The following ASXL3 variants were observed in gnomAD, a reference collection of about 807,000 sequenced individuals.
ASXL3 encodes ASXL transcriptional regulator 3, also known as putative Polycomb group protein ASXL3.
Under a neutral mutation model 170.6 loss-of-function variants are expected in ASXL3, and 34 were observed. That is an observed-to-expected ratio of 0.20 (90% CI 0.15 to 0.27). The LOEUF (loss-of-function observed/expected upper bound fraction) is 0.27, where lower values mean the gene tolerates loss of function less well. Among genes scored for constraint, ASXL3 ranks in the 10% least tolerant of loss-of-function variants. The pLI, the probability that ASXL3 is intolerant of heterozygous loss-of-function variation, is 1.00. For missense variants in ASXL3, 2,592 were observed against 2,695.3 expected (o/e 0.96, Z 0.85); for synonymous variants, 1,002 against 989.1 (o/e 1.01, Z -0.24).
At chr18:33,696,700 C>T (rs767604559) in intron 8 of ASXL3, among the ~76,000 whole-genome samples, 3 of 151,730 alleles carry the variant, frequency 2.0e-5, no homozygotes, top group Non-Finnish European at 4.4e-5. Flanking sequence ...CTTGCTTTCT[C>T]GGAGTGTTCA....
In ASXL3 at chr18:33,643,761, GA is replaced by G. The variant is rs1420393369; in HGVS notation, c.138-1130del. 2.6e-5 allele frequency among the ~76,000 whole-genome samples: 4 copies of G among 151,796 alleles called. No individual in the cohort carries two copies. The East Asian group carries it at 7.8e-4, about 29-fold the overall frequency. On this transcript the variant is annotated intron_variant, in intron 2 of 11. Coordinates refer to ENST00000269197, the MANE Select transcript of ASXL3 (RefSeq NM_030632.3). ...GGAGCAAAATTATGTCTTTATCCTT[GA>G]AATTTGAAGTTAGAATTCTGAACTT...
rs1396778879 is a variant in ASXL3 at position 33,743,532 on chromosome 18, C to T, written c.3684C>T (p.Pro1228=). ...CCTCTTCTGAAAATAGCAGTGTGCC[C>T]ATGCTTTTTAATAAAAATTCTGTCC... The part of the protein sequence containing the change: ...SSTSSENSSV[P]MLFNKNSVPV... Residue 1228 remains proline (P), a synonymous_variant, in exon 12 of 12, where the codon CCC becomes CCT. Transcript: ENST00000269197. 1 of 1,613,160 alleles carries T rather than the reference C, an allele frequency of 6.2e-7. No homozygotes were observed.
At chr18:33,633,334 A>T (rs1236441759) in intron 2 of ASXL3, among the ~76,000 whole-genome samples, 1 of 152,198 alleles carries the variant, frequency 6.6e-6, no homozygotes, top group Non-Finnish European at 1.5e-5. Flanking sequence ...AATGCAAACT[A>T]AGTGTTCTGT....
At chr18:33,703,280 T>C (rs770498898) in intron 8 of ASXL3, among the ~76,000 whole-genome samples, 2 of 152,176 alleles carry the variant, frequency 1.3e-5, no homozygotes, top group African/African-American at 2.4e-5. Context: ...TCTGTTCTTA[T>C]GGTCTTCCTC....
At chr18:33,628,540 T>C (rs1325628249) in intron 2 of ASXL3, among the ~76,000 whole-genome samples, 1 of 152,108 alleles carries the variant, frequency 6.6e-6, no homozygotes, top group Non-Finnish European at 1.5e-5. Flanking sequence ...GGATTTTCTA[T>C]CTTTGTTCTG....
intron 8 of ASXL3, among the ~76,000 whole-genome samples, chr18:33,707,062 G>A (rs1568339614): frequency 6.6e-6 from 1 of 151,240 alleles, no homozygotes; most frequent in African/African-American, 2.4e-5. Context: ...GACCTTATAT[G>A]TGAGCATCTA....
chr18:33,640,735 G>T (rs2065833759), intron 2 of ASXL3, among the ~76,000 whole-genome samples: 1 of 151,912 alleles, frequency 6.6e-6, no homozygotes, highest in Non-Finnish European at 1.5e-5. Context: ...TGAGATGCTT[G>T]AAAGAAGCAT....
At chr18:33,615,317 T>C (rs1027983488) in intron 2 of ASXL3, among the ~76,000 whole-genome samples, 2 of 152,168 alleles carry the variant, frequency 1.3e-5, no homozygotes, top group African/African-American at 4.8e-5. Context: ...TTCTAACTTT[T>C]CTTCTGCGGC....
chr18:33,641,538 A>G (rs186455169), intron 2 of ASXL3, among the ~76,000 whole-genome samples: 12 of 152,224 alleles, frequency 7.9e-5, no homozygotes, highest in Admixed American at 2.6e-4. Context: ...TATTTATTAT[A>G]TAGAAATACA....
At chr18:33,713,818 C>A (rs574002057) in intron 8 of ASXL3, among the ~76,000 whole-genome samples, 2 of 152,100 alleles carry the variant, frequency 1.3e-5, no homozygotes, top group Admixed American at 1.3e-4. Flanking sequence ...CATAATTTTC[C>A]GTGAACAACC....
At chr18:33,664,469 C>A (rs1326405496) in intron 5 of ASXL3, among the ~76,000 whole-genome samples, 1 of 152,136 alleles carries the variant, frequency 6.6e-6, no homozygotes, top group African/African-American at 2.4e-5. Flanking sequence ...TGATAACACA[C>A]ACTCAAATAT....
chr18:33,689,175 G>T (rs2066647323), intron 8 of ASXL3, among the ~76,000 whole-genome samples: 1 of 152,058 alleles, frequency 6.6e-6, no homozygotes, highest in Admixed American at 6.6e-5. Context: ...TATATTTTTA[G>T]TAGAGATGGG....
chr18:33,608,093 C>T (rs1420644160), intron 2 of ASXL3, among the ~76,000 whole-genome samples: 1 of 151,936 alleles, frequency 6.6e-6, no homozygotes, highest in African/African-American at 2.4e-5. Context: ...AAAATCTAGT[C>T]CTCTTATATT....
At chr18:33,655,372 G>A (rs2066066913) in intron 4 of ASXL3, among the ~76,000 whole-genome samples, 1 of 151,910 alleles carries the variant, frequency 6.6e-6, no homozygotes, top group African/African-American at 2.4e-5. Flanking sequence ...TGTTCTAAAC[G>A]TTATAAAGAG....
chr18:33,720,241 T>G (rs1263575405), intron 8 of ASXL3, among the ~76,000 whole-genome samples: 1 of 152,100 alleles, frequency 6.6e-6, no homozygotes, highest in Admixed American at 6.6e-5. Context: ...GCTGTCTATC[T>G]GTTTCACAGT....
chr18:33,692,694 C>A (rs2066705236), intron 8 of ASXL3, among the ~76,000 whole-genome samples: 1 of 152,116 alleles, frequency 6.6e-6, no homozygotes, highest in Non-Finnish European at 1.5e-5. Context: ...GTTTCTCCTC[C>A]TCATTTTGCC....
intron 2 of ASXL3, among the ~76,000 whole-genome samples, chr18:33,638,543 G>T (rs559733665): frequency 6.6e-6 from 1 of 152,138 alleles, no homozygotes; most frequent in Non-Finnish European, 1.5e-5. Flanking sequence ...CTTTAAAAAT[G>T]TATTTCCTTG....
In ASXL3 at chr18:33,746,397, T is replaced by A. The variant is rs761873465; in HGVS notation, c.6549T>A (p.Asn2183Lys). Residue 2183 changes from asparagine (N) to lysine (K), a missense_variant, in exon 12 of 12, where the codon AAT (asparagine) becomes AAA (lysine). Transcript: ENST00000269197. Reference protein sequence around the residue: ...KSIGILGSGSNPATGLSGQNA... With the variant: ...KSIGILGSGSKPATGLSGQNA... Reference sequence around the variant, plus strand: ...TTGGGATTTTGGGAAGTGGCTCCAATCCTGCCACAGGCTTGTCTGGTCAGA... The same window carrying A: ...TTGGGATTTTGGGAAGTGGCTCCAAACCTGCCACAGGCTTGTCTGGTCAGA... 2 of 1,613,752 alleles carry A rather than the reference T, an allele frequency of 1.2e-6. No homozygotes were observed. Among genetic ancestry groups the A allele is most frequent in the South Asian group, 1.1e-5 (1 of 91,080 alleles).
intron 5 of ASXL3, among the ~76,000 whole-genome samples, chr18:33,664,475 AAT>A (rs903486676): frequency 6.6e-6 from 1 of 152,154 alleles, no homozygotes; most frequent in Admixed American, 6.6e-5. Context: ...CACACACTCA[AAT>A]ATATGTCATT....
Sources: allele counts gnomAD v4.1 joint callset (sites outside exome capture counted in the v4.1 genomes callset), GRCh38; gene constraint gnomAD v4.1.1; transcripts MANE v1.5; gene names NCBI Gene and HGNC (gene_info 2026-07-23, HGNC 2026-07-21).